Variants in PPFIA2 observed in about 807,000 individuals in gnomAD.
PPFIA2 encodes the protein PPFI scaffold protein A2.
Under a neutral mutation model 175.5 loss-of-function variants are expected in PPFIA2, and 46 were observed. That is an observed-to-expected ratio of 0.26 (90% CI 0.21 to 0.34). PPFIA2 has a LOEUF of 0.34. Among genes scored for constraint, PPFIA2 ranks in the 10% least tolerant of loss-of-function variants. PPFIA2 has a pLI of 1.00. For synonymous variants in PPFIA2, 568 were observed against 511.4 expected, an observed-to-expected ratio of 1.11 and a Z score of -1.49; for missense variants, 1,179 against 1,506.1, an observed-to-expected ratio of 0.78 and a Z score of 3.60.
At chr12:81,617,028 A>G (rs1228540537) in intron 4 of PPFIA2, among the ~76,000 whole-genome samples, 1 of 152,200 alleles carries the variant, frequency 6.6e-6, no homozygotes, top group African/African-American at 2.4e-5. Context: ...TGCTTTCTAG[A>G]TGAACAAAAC....
intron 7 of PPFIA2, among the ~76,000 whole-genome samples, chr12:81,413,842 A>G (rs2044446828): frequency 6.6e-6 from 1 of 151,782 alleles, no homozygotes; most frequent in Admixed American, 6.6e-5. Flanking sequence ...AGCAATGTAA[A>G]TTGATTTAGT....
At chr12:81,382,532 CAAA>C (rs1204409270) in intron 9 of PPFIA2, among the ~76,000 whole-genome samples, 1 of 151,998 alleles carries the variant, frequency 6.6e-6, no homozygotes, top group African/African-American at 2.4e-5. Flanking sequence ...GTAGAAAAAG[CAAA>C]AGCCATGAAG....
intron 4 of PPFIA2, among the ~76,000 whole-genome samples, chr12:81,558,469 T>G (rs1254864441): frequency 6.6e-6 from 1 of 152,134 alleles, no homozygotes; most frequent in African/African-American, 2.4e-5. Context: ...AAAATACAAA[T>G]AAATCAATAA....
intron 3 of PPFIA2, among the ~76,000 whole-genome samples, chr12:81,685,310 C>T (rs895236603): frequency 2.0e-5 from 3 of 151,906 alleles, no homozygotes; most frequent in Admixed American, 6.6e-5. Flanking sequence ...TCCTTGACAA[C>T]ATTATAGGGT....
At chr12:81,306,294 G>A (rs1205987012) in intron 22 of PPFIA2, among the ~76,000 whole-genome samples, 1 of 151,978 alleles carries the variant, frequency 6.6e-6, no homozygotes, top group Non-Finnish European at 1.5e-5. Context: ...AAATCAAATT[G>A]CTTGAGCTTG....
chr12:81,589,114 A>G (rs1483636286), intron 4 of PPFIA2, among the ~76,000 whole-genome samples: 2 of 152,054 alleles, frequency 1.3e-5, no homozygotes, highest in African/African-American at 4.8e-5. Context: ...TCACCTATTT[A>G]CTAATCATGG....
At chr12:81,665,196 C>T (rs11114972) in intron 4 of PPFIA2, among the ~76,000 whole-genome samples, 46,946 of 151,760 alleles carry the variant, frequency 0.31, 8,267 homozygotes, top group Middle Eastern at 0.4. Context: ...TAAAAATAAA[C>T]GTGAAAAAAA....
At chr12:81,696,017 T>C (rs533110519) in intron 3 of PPFIA2, among the ~76,000 whole-genome samples, 6 of 152,288 alleles carry the variant, frequency 3.9e-5, no homozygotes, top group Admixed American at 2.0e-4. Flanking sequence ...TGTGGTGTAA[T>C]TGAGTGTTGG....
chr12:81,326,344 G>A (rs1317041238), intron 21 of PPFIA2, among the ~76,000 whole-genome samples: 1 of 152,098 alleles, frequency 6.6e-6, no homozygotes, highest in Non-Finnish European at 1.5e-5. Context: ...TGAGAGAATG[G>A]AGAAACATTT....
At chr12:81,696,708 CT>C (rs1403738915) in intron 3 of PPFIA2, among the ~76,000 whole-genome samples, 2 of 151,910 alleles carry the variant, frequency 1.3e-5, no homozygotes, top group Admixed American at 1.3e-4. Context: ...TCATACTTTG[CT>C]TTTGATTGAG....
At chr12:81,526,572 T>C (rs1188420113) in intron 4 of PPFIA2, among the ~76,000 whole-genome samples, 2 of 152,190 alleles carry the variant, frequency 1.3e-5, no homozygotes, top group African/African-American at 4.8e-5. Context: ...TATCAAAGAA[T>C]CACTAGGATT....
intron 3 of PPFIA2, among the ~76,000 whole-genome samples, chr12:81,720,200 T>C (rs2079138896): frequency 6.6e-6 from 1 of 151,464 alleles, no homozygotes; most frequent in Admixed American, 6.6e-5. Context: ...CCCTAATTGT[T>C]ACTCTCTTCT....
chr12:81,633,003 G>A (rs12228821), intron 4 of PPFIA2, among the ~76,000 whole-genome samples: 7,131 of 152,048 alleles, frequency 0.047, 340 homozygotes, highest in East Asian at 0.24. Flanking sequence ...GATTACTGTC[G>A]TTGAATCACT....
Position 81,405,836 on chromosome 12 carries a change from T to C in PPFIA2, c.713A>G (p.Glu238Gly). Residue 238 changes from glutamate to glycine, a missense_variant, in exon 8 of 33, where the codon GAG (glutamate) becomes GGG (glycine). Coordinates refer to ENST00000549396, the MANE Select transcript of PPFIA2 (RefSeq NM_003625.5). ...RKMASSEGST[E>G]SEHLEGMEPG... ...TTCCATCCCTTCAAGATGTTCTGAC[T>C]CTGTGGATCCCTCGCTTGATGCCAT... The C allele has an allele frequency of 6.3e-7, 1 of 1,582,902 alleles. No individual in the cohort carries two copies. Among genetic ancestry groups the C allele is most frequent in the South Asian group, 1.2e-5 (1 of 86,434 alleles).
At chr12:81,541,915 A>C (rs2066276347) in intron 4 of PPFIA2, among the ~76,000 whole-genome samples, 1 of 152,066 alleles carries the variant, frequency 6.6e-6, no homozygotes, top group Admixed American at 6.6e-5. Flanking sequence ...CAAGCTTTGA[A>C]GACTAGAATG....
At chr12:81,542,971 C>T (rs1339248392) in intron 4 of PPFIA2, among the ~76,000 whole-genome samples, 2 of 152,192 alleles carry the variant, frequency 1.3e-5, no homozygotes, top group African/African-American at 4.8e-5. Flanking sequence ...GCCTAGGATT[C>T]CCCTATCCCA....
chr12:81,293,277 G>T (rs998414712), intron 24 of PPFIA2, among the ~76,000 whole-genome samples: 1 of 151,796 alleles, frequency 6.6e-6, no homozygotes, highest in Non-Finnish European at 1.5e-5. Context: ...AATACTATTT[G>T]GGAGTTTTTG....
At chr12:81,590,113 T>A (rs1053240459) in intron 4 of PPFIA2, among the ~76,000 whole-genome samples, 2 of 152,166 alleles carry the variant, frequency 1.3e-5, no homozygotes, top group African/African-American at 4.8e-5. Flanking sequence ...AAATACTGAT[T>A]CTCTCTCTTG....
chr12:81,598,251 T>C (rs2059455693), intron 4 of PPFIA2: 2 of 1,344,940 alleles, frequency 1.5e-6, no homozygotes, highest in Non-Finnish European at 1.9e-6. Flanking sequence ...GTGAAGCTAG[T>C]TCTCTAGAAC....
Sources: allele counts gnomAD v4.1 joint callset (sites outside exome capture counted in the v4.1 genomes callset), GRCh38; gene constraint gnomAD v4.1.1; transcripts MANE v1.5; gene names NCBI Gene and HGNC (gene_info 2026-07-23, HGNC 2026-07-21).